Variants in FLT1 observed in about 807,000 individuals in gnomAD.
FLT1 encodes fms related receptor tyrosine kinase 1.
In FLT1, 49 loss-of-function variants were observed where a neutral mutation model predicts 156.3. The observed-to-expected ratio is 0.31, with a 90% CI of 0.25 to 0.40. FLT1 has a LOEUF of 0.40. Among genes scored for constraint, FLT1 ranks in the 10% least tolerant of loss-of-function variants. The pLI, the probability that FLT1 is intolerant of heterozygous loss-of-function variation, is 1.00. For synonymous variants in FLT1, 594 were observed against 583.8 expected (o/e 1.02, Z -0.25); for missense variants, 1,322 against 1,637.2 (o/e 0.81, Z 3.32).
chr13:28,307,441 C>A (rs1870794201), intron 28 of FLT1, among the ~76,000 whole-genome samples: 1 of 152,076 alleles, frequency 6.6e-6, no homozygotes, highest in African/African-American at 2.4e-5. Context: ...CATCATTCAC[C>A]ACTGATTTAG....
intron 13 of FLT1, chr13:28,386,780 G>A: frequency 1.9e-6 from 2 of 1,053,556 alleles, no homozygotes; most frequent in South Asian, 4.6e-5. Context: ...AGATCATAAA[G>A]AACAGTATCA....
At position 28,327,482 on chromosome 13, in the gene FLT1, C is replaced by T; in HGVS notation, c.2776G>A (p.Asp926Asn). 6.2e-7 allele frequency: 1 copy of T among 1,611,822 alleles called. No homozygotes were observed. Among genetic ancestry groups the T allele is most frequent in the Non-Finnish European group, 8.5e-7 (1 of 1,177,946 alleles). ...NLSNYLKSKR[D>N]LFFLNKDAAL... ...CTTACCTTGTTGAGAAAAAATAAGT[C>T]ACGTTTGCTCTTGAGGTAGTTGGAG... is the stretch of plus-strand genomic sequence containing the variant. Residue 926 changes from aspartate to asparagine, a missense_variant, in exon 20 of 30, where the codon GAC (aspartate) becomes AAC (asparagine). Coordinates refer to ENST00000282397, the MANE Select transcript of FLT1 (RefSeq NM_002019.4).
At chr13:28,304,919 C>T (rs1870679267) in intron 29 of FLT1, among the ~76,000 whole-genome samples, 1 of 152,180 alleles carries the variant, frequency 6.6e-6, no homozygotes. Flanking sequence ...ATACTTTATT[C>T]ATTGAGTCAT....
Position 28,303,080 on chromosome 13 carries a change from C to T in FLT1, c.*87G>A. ...TCCCATGGAAAGATAAAGGTGTAAA[C>T]TTATATATGCATAATACTGGCAAAA... On this transcript the variant is annotated 3_prime_UTR_variant, in exon 30 of 30. Coordinates refer to ENST00000282397, the MANE Select transcript of FLT1 (RefSeq NM_002019.4). 2 of 1,234,226 alleles carry T rather than the reference C, an allele frequency of 1.6e-6. No individual in the cohort carries two copies. Among genetic ancestry groups the T allele is most frequent in the Non-Finnish European group, 2.3e-6 (2 of 856,848 alleles). The allele number at this position is 1,234,226 out of a possible 1,614,324, so 76.5% of individuals were successfully genotyped here. A position where few individuals can be genotyped will look rare whatever the true frequency, so the allele number is the denominator to read the frequency against.
At chr13:28,360,283 C>G (rs1873064764) in intron 14 of FLT1, among the ~76,000 whole-genome samples, 1 of 152,180 alleles carries the variant, frequency 6.6e-6, no homozygotes, top group Admixed American at 6.5e-5. Context: ...TATGGAGCCT[C>G]TCAAACAACT....
chr13:28,345,377 CTA>C, intron 16 of FLT1, 66 bp downstream of exon 16: 1 of 939,816 alleles, frequency 1.1e-6, no homozygotes, highest in South Asian at 1.4e-5. Flanking sequence ...TTTGCCTACT[CTA>C]GACATCAGAT....
intron 14 of FLT1, among the ~76,000 whole-genome samples, chr13:28,382,532 T>C (rs1296883423): frequency 6.6e-6 from 1 of 152,124 alleles, no homozygotes; most frequent in Non-Finnish European, 1.5e-5. Flanking sequence ...GGAAGTGACA[T>C]GTTCACAGCT....
At chr13:28,406,935 G>A (rs778198882) in intron 10 of FLT1, among the ~76,000 whole-genome samples, 4 of 152,148 alleles carry the variant, frequency 2.6e-5, no homozygotes, top group African/African-American at 7.2e-5. Context: ...TCAGAAAAAC[G>A]TTCCGTTACT....
At chr13:28,342,946 TTCTCTCTCTC>T (rs61022115) in intron 16 of FLT1, among the ~76,000 whole-genome samples, 3 of 143,094 alleles carry the variant, frequency 2.1e-5, no homozygotes, top group South Asian at 2.2e-4. Context: ...CTTTCTTTCT[TTCTCTCTCTC>T]TCTCTCTCTC....
intron 15 of FLT1, among the ~76,000 whole-genome samples, chr13:28,347,605 G>A (rs1156645971): frequency 6.6e-6 from 1 of 152,162 alleles, no homozygotes; most frequent in African/African-American, 2.4e-5. Context: ...AGACCATAGA[G>A]GATTCTGAGC....
intron 4 of FLT1, among the ~76,000 whole-genome samples, chr13:28,436,182 C>T (rs1422454849): frequency 2.0e-5 from 3 of 152,150 alleles, no homozygotes; most frequent in African/African-American, 7.2e-5. Context: ...TCAGCTGTGG[C>T]CACCACCGCA....
chr13:28,368,427 C>CA (rs1339433894), intron 14 of FLT1: 3 of 1,463,206 alleles, frequency 2.1e-6, no homozygotes, highest in Non-Finnish European at 2.7e-6. Context: ...GCTGGGATTA[C>CA]AGGCGTGAGC....
chr13:28,353,075 A>G (rs1317051269), intron 15 of FLT1, among the ~76,000 whole-genome samples: 1 of 152,160 alleles, frequency 6.6e-6, no homozygotes, highest in Non-Finnish European at 1.5e-5. Flanking sequence ...ACAACGTGCA[A>G]TCGTTTGCAA....
intron 14 of FLT1, among the ~76,000 whole-genome samples, chr13:28,373,763 T>C (rs1430460671): frequency 1.3e-5 from 2 of 152,194 alleles, no homozygotes. Flanking sequence ...GGCTCTTAGT[T>C]TTGGGGTTAG....
At chr13:28,435,843 G>A (rs1877993795) in intron 4 of FLT1, among the ~76,000 whole-genome samples, 1 of 152,178 alleles carries the variant, frequency 6.6e-6, no homozygotes, top group Non-Finnish European at 1.5e-5. Flanking sequence ...GTAAATCAAG[G>A]TGCTACCTGT....
At position 28,327,179 on chromosome 13, in the gene FLT1, AAG is replaced by A. The variant is rs926255251; in HGVS notation, c.2796+281_2796+282del. Among the ~76,000 whole-genome samples the A allele has an allele frequency of 2.0e-5, 3 of 152,358 alleles. No homozygotes were observed. In the South Asian group the frequency reaches 6.2e-4, roughly 32 times the overall value. ...ACATGCACACATATATAGGGGGAGA[AAG>A]AGAGAAAGTTATTGTTAGATATTTA... On this transcript the variant is annotated intron_variant, in intron 20 of 29. Coordinates refer to ENST00000282397, the MANE Select transcript of FLT1 (RefSeq NM_002019.4).
chr13:28,321,757 A>T (rs756258641), intron 22 of FLT1, among the ~76,000 whole-genome samples, 172 bp from the exon 23 acceptor site: 1 of 152,262 alleles, frequency 6.6e-6, no homozygotes, highest in Non-Finnish European at 1.5e-5. Flanking sequence ...CTACAAATAC[A>T]GGTCCCCAAG....
chr13:28,325,903 G>A (rs964421423), intron 20 of FLT1, among the ~76,000 whole-genome samples: 7 of 151,682 alleles, frequency 4.6e-5, no homozygotes, highest in African/African-American at 1.7e-4. Flanking sequence ...TATATTGCCG[G>A]TCCGGTAGAA....
chr13:28,484,211 C>CA lies in FLT1; in HGVS notation c.64+10568dup, dbSNP rs1310856749. 7.9e-5 allele frequency among the ~76,000 whole-genome samples: 12 copies of CA among 152,300 alleles called. 1 individual carries two copies. In the East Asian group the frequency reaches 1.5e-3, roughly 20 times the overall value. On this transcript the variant is annotated intron_variant, in intron 1 of 29. Transcript: ENST00000282397. ...CTGCCTTCAGGGTCAAACACACTTC[C>CA]AGGTCGTTCTGTGAGGTATTTTAGT...
Sources: gnomAD v4.1 joint callset for allele counts (sites outside exome capture counted in the v4.1 genomes callset) on GRCh38, gnomAD v4.1.1 for gene constraint, MANE v1.5 for transcripts, NCBI Gene and HGNC (gene_info 2026-07-23, HGNC 2026-07-21) for gene names.